Variants in MID1 observed in about 807,000 individuals in gnomAD.
MID1 encodes the protein E3 ubiquitin-protein ligase Midline-1.
Under a neutral mutation model 40.4 loss-of-function variants are expected in MID1, and 7 were observed. The observed-to-expected ratio is 0.17, with a 90% CI of 0.10 to 0.33. MID1 has a LOEUF of 0.33. MID1 is among the 10% of genes least tolerant of loss of function. The pLI, the probability that MID1 is intolerant of heterozygous loss-of-function variation, is 1.00. For missense variants in MID1, 367 were observed against 558.5 expected, an observed-to-expected ratio of 0.66 and a Z score of 3.46; for synonymous variants, 229 against 221.2, an observed-to-expected ratio of 1.04 and a Z score of -0.31.
chrX:10,713,487 C>T (rs992413534), intron 1 of MID1, among the ~76,000 whole-genome samples: 6 of 110,728 alleles, frequency 5.4e-5, no homozygotes, highest in Non-Finnish European at 9.5e-5. Flanking sequence ...CCATGCCCAG[C>T]TAATTTTTTA....
At chrX:10,597,549 C>A (rs977736269) in intron 1 of MID1, among the ~76,000 whole-genome samples, 1 of 111,806 alleles carries the variant, frequency 8.9e-6, no homozygotes, top group Non-Finnish European at 1.9e-5. Context: ...AACAAACAAA[C>A]AAACAAAAAA....
intron 1 of MID1, among the ~76,000 whole-genome samples, chrX:10,713,054 C>T (rs2043279498): frequency 9.0e-6 from 1 of 110,972 alleles, no homozygotes; most frequent in East Asian, 2.8e-4. Context: ...CCAGGCTGGT[C>T]TCGATCTCCT....
At chrX:10,515,889 A>G (rs1932374343) in intron 3 of MID1, among the ~76,000 whole-genome samples, 1 of 112,517 alleles carries the variant, frequency 8.9e-6, no homozygotes, top group Non-Finnish European at 1.9e-5. Flanking sequence ...GTGTTTGCTT[A>G]GCTAATAAAC....
At chrX:10,726,223 G>T (rs1189878730) in intron 1 of MID1, among the ~76,000 whole-genome samples, 3 of 111,831 alleles carry the variant, frequency 2.7e-5, no homozygotes, top group African/African-American at 9.7e-5. Context: ...AACTAAGCAG[G>T]ATTTGTCATT....
At chrX:10,655,428 G>T (rs1366536850) in intron 1 of MID1, among the ~76,000 whole-genome samples, 1 of 110,977 alleles carries the variant, frequency 9.0e-6, no homozygotes, top group South Asian at 3.9e-4. Flanking sequence ...GATCCCAAGA[G>T]CTAAAAGTGA....
chrX:10,709,745 T>A (rs1219404823), intron 1 of MID1, among the ~76,000 whole-genome samples: 1 of 112,210 alleles, frequency 8.9e-6, no homozygotes, highest in Non-Finnish European at 1.9e-5. Context: ...GATGGCATGA[T>A]ATTTTGGTAG....
intron 5 of MID1, among the ~76,000 whole-genome samples, chrX:10,476,704 G>A (rs773877045): frequency 1.2e-3 from 129 of 111,481 alleles, no homozygotes; most frequent in Non-Finnish European, 2.1e-3. Flanking sequence ...AGTTTCAAGT[G>A]TCTGAATGAG....
intron 1 of MID1, among the ~76,000 whole-genome samples, chrX:10,577,648 G>GTA (rs36060246): frequency 1.1e-3 from 116 of 104,441 alleles, no homozygotes; most frequent in Middle Eastern, 4.8e-3. Context: ...CATCGTGTGT[G>GTA]TATATATATA....
In MID1 at chrX:10,714,539, A is replaced by T. The variant is rs192639181; in HGVS notation, c.-186-94120T>A. Among the ~76,000 whole-genome samples, 317 of 112,897 alleles carry T rather than the reference A, an allele frequency of 2.8e-3. 1 individual carries two copies. The highest frequency in any genetic ancestry group is 9.9e-3 in the African/African-American group (307 of 31,114). On this transcript the variant is annotated intron_variant, in intron 1 of 10. Coordinates refer to the MID1 transcript ENST00000380785. The stretch of plus-strand genomic sequence containing the variant: ...TGTGTAGCACTAGCAGAGCCTCTTT[A>T]AAATTCGTGTGAGATCTACTTTTGT...
chrX:10,640,102 A>T (rs753362648), intron 1 of MID1, among the ~76,000 whole-genome samples: 27 of 112,124 alleles, frequency 2.4e-4, no homozygotes, highest in African/African-American at 8.8e-4. Context: ...AAGAAACTGC[A>T]TCAACTAACG....
chrX:10,672,675 C>T (rs749246189), intron 1 of MID1, among the ~76,000 whole-genome samples: 4 of 111,194 alleles, frequency 3.6e-5, no homozygotes, highest in Admixed American at 2.9e-4. Flanking sequence ...CTTCAGACCT[C>T]CAGGAATGTA....
Position 10,704,729 on chromosome X carries a change from T to TACACACAC in MID1, c.-186-84311_-186-84310insGTGTGTGT, listed in dbSNP as rs1280810951. On this transcript the variant is annotated intron_variant, in intron 1 of 10. Coordinates refer to the MID1 transcript ENST00000380785. The stretch of plus-strand genomic sequence containing the variant: ...ATGTGTGTGTGTGTATATATATATA[T>TACACACAC]ATATATATATACACACACACACACA... 1.8e-3 allele frequency among the ~76,000 whole-genome samples: 151 copies of TACACACAC among 83,414 alleles called. 1 individual carries two copies. The highest frequency in any genetic ancestry group is 8.1e-3 in the African/African-American group (148 of 18,297). 72.4% of individuals were successfully genotyped at this position (83,414 alleles called of 115,157 possible).
At chrX:10,665,846 C>G (rs1225229920) in intron 1 of MID1, among the ~76,000 whole-genome samples, 1 of 110,924 alleles carries the variant, frequency 9.0e-6, no homozygotes, top group African/African-American at 3.3e-5. Flanking sequence ...ATCTTCACTT[C>G]TTTGCCCTGA....
intron 1 of MID1, among the ~76,000 whole-genome samples, chrX:10,641,313 C>T (rs1263363832): frequency 9.0e-6 from 1 of 111,309 alleles, no homozygotes; most frequent in African/African-American, 3.3e-5. Context: ...ATCAAATAGA[C>T]ACAATAAAAA....
chrX:10,770,057 G>A (rs1179770459), intron 1 of MID1, among the ~76,000 whole-genome samples: 1 of 111,336 alleles, frequency 9.0e-6, no homozygotes, highest in Admixed American at 9.6e-5. Flanking sequence ...TGAAATGAGG[G>A]GAAACGCTGA....
At chrX:10,640,233 G>A (rs1936173812) in intron 1 of MID1, among the ~76,000 whole-genome samples, 1 of 111,831 alleles carries the variant, frequency 8.9e-6, no homozygotes, top group African/African-American at 3.3e-5. Flanking sequence ...ATTGGATAAA[G>A]AGTCAAGACC....
intron 1 of MID1, among the ~76,000 whole-genome samples, chrX:10,590,064 G>T (rs773289383): frequency 9.0e-6 from 1 of 110,780 alleles, no homozygotes; most frequent in Admixed American, 9.6e-5. Context: ...CGTGACAGGG[G>T]CTGCATGCAC....
At chrX:10,694,578 T>G (rs113046874) in intron 1 of MID1, among the ~76,000 whole-genome samples, 3,953 of 111,762 alleles carry the variant, frequency 0.035, 76 homozygotes, top group Non-Finnish European at 0.053. Flanking sequence ...TTGCGAAGGG[T>G]AAGTCGGAAT....
chrX:10,811,048 A>T (rs1472941346), intron 1 of MID1, among the ~76,000 whole-genome samples: 3 of 110,958 alleles, frequency 2.7e-5, no homozygotes, highest in African/African-American at 9.8e-5. Flanking sequence ...GGGCATTCAA[A>T]CAAAGGCAAG....
Sources: allele counts gnomAD v4.1 joint callset (sites outside exome capture counted in the v4.1 genomes callset), GRCh38; gene constraint gnomAD v4.1.1; transcripts MANE v1.5; gene names NCBI Gene and HGNC (gene_info 2026-07-23, HGNC 2026-07-21).